The following CEP41 variants were observed in gnomAD, a reference collection of about 807,000 sequenced individuals.
CEP41 encodes the protein centrosomal protein 41.
CEP41 carries 32 observed loss-of-function variants against 44.3 expected under a neutral mutation model. The observed-to-expected ratio is 0.72, with a 90% CI of 0.54 to 0.97. CEP41 has a LOEUF of 0.97. CEP41 is among the 50% of genes least tolerant of loss of function. The pLI, the probability that CEP41 is intolerant of heterozygous loss-of-function variation, is 0.00. For synonymous variants in CEP41, 151 were observed against 168.5 expected (o/e 0.90, Z 0.80); for missense variants, 432 against 455.2 (o/e 0.95, Z 0.46).
At position 130,398,450 on chromosome 7, in the gene CEP41, G is replaced by A. The variant is rs782492675; in HGVS notation, c.*441C>T. On this transcript the variant is annotated 3_prime_UTR_variant, in exon 11 of 11. Coordinates refer to ENST00000223208, the MANE Select transcript of CEP41 (RefSeq NM_018718.3). Reference sequence around the variant, plus strand: ...ACAGCTTCTCACACCAAGACTGCCCGGAGAAGCCTTCATGAAGTCAAGAAC... The same window carrying A: ...ACAGCTTCTCACACCAAGACTGCCCAGAGAAGCCTTCATGAAGTCAAGAAC... 45 of 454,158 alleles carry A rather than the reference G, an allele frequency of 9.9e-5. 1 individual carries two copies. The highest frequency in any genetic ancestry group is 5.7e-4 in the South Asian group (37 of 64,476). The allele number at this position is 454,158 out of a possible 1,614,324, so 28.1% of individuals were successfully genotyped here. A position where few individuals can be genotyped will look rare whatever the true frequency, so the allele number is the denominator to read the frequency against.
At position 130,394,765 on chromosome 7, in the gene CEP41, T is replaced by C. The variant is rs1223668399; in HGVS notation, c.*4126A>G. ...TTGACAGGTTCAATTCATTTATTCA[T>C]GAACACTTATTAAGGGCCACTGTCA... On this transcript the variant is annotated 3_prime_UTR_variant, in exon 11 of 11. Transcript: ENST00000223208. 1.3e-5 allele frequency: 6 copies of C among 453,998 alleles called. No individual in the cohort carries two copies. The highest frequency in any genetic ancestry group is 2.4e-5 in the Admixed American group (1 of 42,546). The allele number at this position is 453,998 out of a possible 1,614,324, so 28.1% of individuals were successfully genotyped here.
Position 130,413,646 on chromosome 7 carries a change from C to T in CEP41, c.146-1406G>A, listed in dbSNP as rs530081439. ...TCAGTGCTGTCTTGACAATTCTGAG[C>T]TATAACTCACATATAGGTACTTCTG... On this transcript the variant is annotated intron_variant, in intron 3 of 10. Transcript: ENST00000223208. 2.1e-4 allele frequency among the ~76,000 whole-genome samples: 32 copies of T among 151,998 alleles called. No homozygotes were observed. In the South Asian group the frequency reaches 6.5e-3, roughly 31 times the overall value.
chr7:130,396,247 G>C lies in CEP41; in HGVS notation c.*2644C>G, dbSNP rs891463361. ...TCAGGGTTCACAAGCCCCAGACAAG[G>C]GCAGCTAGTCAACCCCTGAGACGCT... is the stretch of plus-strand genomic sequence containing the variant. On this transcript the variant is annotated 3_prime_UTR_variant, in exon 11 of 11. Coordinates refer to ENST00000223208, the MANE Select transcript of CEP41 (RefSeq NM_018718.3). The C allele has an allele frequency of 2.2e-6, 1 of 454,048 alleles. No individual in the cohort carries two copies. The highest frequency in any genetic ancestry group is 1.6e-5 in the South Asian group (1 of 64,478). 28.1% of individuals were successfully genotyped at this position (454,048 alleles called of 1,614,324 possible). A position where few individuals can be genotyped will look rare whatever the true frequency, so the allele number is the denominator to read the frequency against.
In CEP41 at chr7:130,400,265, A is replaced by G; in HGVS notation, c.758-11T>C. 3 of 1,600,002 alleles carry G rather than the reference A, an allele frequency of 1.9e-6. No homozygotes were observed. Among genetic ancestry groups the G allele is most frequent in the Non-Finnish European group, 2.6e-6 (3 of 1,167,304 alleles). ...CTAAGACTTTTAGACCTAGGTTTGG[A>G]AAATCATCAGAAAAAGCTGCATTAA... On this transcript the variant is annotated splice_polypyrimidine_tract_variant and intron_variant, in intron 9 of 10. Coordinates refer to ENST00000223208, the MANE Select transcript of CEP41 (RefSeq NM_018718.3).
chr7:130,424,826 T>A (rs543917583), intron 2 of CEP41, among the ~76,000 whole-genome samples: 1 of 152,074 alleles, frequency 6.6e-6, no homozygotes, highest in Admixed American at 6.5e-5. Flanking sequence ...AAAATAATGA[T>A]CCATAAAAGG....
At chr7:130,423,427 T>C (rs1464134366) in intron 2 of CEP41, among the ~76,000 whole-genome samples, 5 of 152,164 alleles carry the variant, frequency 3.3e-5, no homozygotes, top group African/African-American at 9.7e-5. Flanking sequence ...AATATACCAC[T>C]TCATGCCCAC....
In CEP41 at chr7:130,429,513, A is replaced by G. The variant is rs1797764192; in HGVS notation, c.34-1495T>C. 4.6e-5 allele frequency among the ~76,000 whole-genome samples: 7 copies of G among 152,326 alleles called. No individual in the cohort carries two copies. The South Asian group carries it at 1.4e-3, about 32-fold the overall frequency. On this transcript the variant is annotated intron_variant, in intron 1 of 10. Coordinates refer to ENST00000223208, the MANE Select transcript of CEP41 (RefSeq NM_018718.3). The stretch of plus-strand genomic sequence containing the variant: ...GCCTTTTTCTGGCCTGCAGGTATGA[A>G]AGTCCTTTCTTCAATAACAGGTAGC...
chr7:130,437,764 CAAAAAAAAAA>C (rs1171735164), intron 1 of CEP41, among the ~76,000 whole-genome samples: 1 of 32,426 alleles, frequency 3.1e-5, no homozygotes, highest in Non-Finnish European at 6.0e-5. Context: ...AAGACTGTCT[CAAAAAAAAAA>C]AAAAAAAAAA....
chr7:130,433,028 G>A (rs1554425444), intron 1 of CEP41, among the ~76,000 whole-genome samples: 1 of 152,132 alleles, frequency 6.6e-6, no homozygotes, highest in Admixed American at 6.5e-5. Flanking sequence ...CAGGAAGAAG[G>A]GAGTGGCCAA....
At chr7:130,433,531 A>G (rs1554425579) in intron 1 of CEP41, among the ~76,000 whole-genome samples, 1 of 152,196 alleles carries the variant, frequency 6.6e-6, no homozygotes, top group African/African-American at 2.4e-5. Context: ...CAGGAAGTTG[A>G]GAAAGTTCCT....
chr7:130,411,347 C>G (rs990424949), intron 4 of CEP41, among the ~76,000 whole-genome samples, 156 bp from the exon 5 acceptor site: 7 of 152,306 alleles, frequency 4.6e-5, no homozygotes, highest in South Asian at 2.1e-4. Flanking sequence ...CTCAGGCCTC[C>G]TTCCTTTTGT....
rs782719539 is a variant in CEP41, at chr7:130,394,025, G to A, written c.*4866C>T. The A allele has an allele frequency of 8.8e-6, 4 of 454,076 alleles. No individual in the cohort carries two copies. The highest frequency in any genetic ancestry group is 1.4e-4 in the East Asian group (2 of 14,386). The allele number at this position is 454,076 out of a possible 1,614,324, so 28.1% of individuals were successfully genotyped here. ...ATGTTTCAGTTCCTGAATTTCCATCGCCTTTTGTGCAGGCAAGCGGAGGAA... is the reference window on the plus strand; with the variant it reads ...ATGTTTCAGTTCCTGAATTTCCATCACCTTTTGTGCAGGCAAGCGGAGGAA... On this transcript the variant is annotated 3_prime_UTR_variant, in exon 11 of 11. Transcript: ENST00000223208.
intron 5 of CEP41, among the ~76,000 whole-genome samples, chr7:130,410,129 A>G (rs13223079): frequency 0.51 from 77,496 of 150,570 alleles, 20,104 homozygotes; most frequent in African/African-American, 0.57. Context: ...GGGTTCAAGC[A>G]ATTCTCCTGC....
intron 2 of CEP41, chr7:130,421,643 A>C (rs1584893921): frequency 9.6e-7 from 1 of 1,042,494 alleles, no homozygotes; most frequent in African/African-American, 1.7e-5. Flanking sequence ...TCTAGAGATA[A>C]TAAAAGGAAG....
intron 1 of CEP41, among the ~76,000 whole-genome samples, chr7:130,438,867 T>C (rs868942625): frequency 6.6e-6 from 1 of 152,220 alleles, no homozygotes; most frequent in South Asian, 2.1e-4. Context: ...CAATTTGATG[T>C]TTTGGTATAT....
intron 5 of CEP41, among the ~76,000 whole-genome samples, chr7:130,406,399 C>T (rs1419333431): frequency 6.6e-6 from 1 of 152,088 alleles, no homozygotes; most frequent in African/African-American, 2.4e-5. Flanking sequence ...GCCTGGCCAA[C>T]ATAGCGAAAC....
chr7:130,399,057 G>T lies in CEP41; in HGVS notation c.974-18C>A. 4 of 1,613,250 alleles carry T rather than the reference G, an allele frequency of 2.5e-6. No homozygotes were observed. The highest frequency in any genetic ancestry group is 2.5e-6 in the Non-Finnish European group (3 of 1,180,002). ...CAGTCGGCCTGAAGGGAGCAAGAAA[G>T]AAGGAACAGAGCTGCAAGAATGATT... On this transcript the variant is annotated intron_variant, in intron 10 of 10. Transcript: ENST00000223208.
In CEP41 at chr7:130,396,498, T is replaced by G; in HGVS notation, c.*2393A>C. 2.2e-6 allele frequency: 1 copy of G among 454,514 alleles called. No homozygotes were observed. 28.2% of individuals were successfully genotyped at this position (454,514 alleles called of 1,614,324 possible). On this transcript the variant is annotated 3_prime_UTR_variant, in exon 11 of 11. Coordinates refer to ENST00000223208, the MANE Select transcript of CEP41 (RefSeq NM_018718.3). ...ATCTCGACAGAAAAGAAGAGAGAAG[T>G]TGGCAGTTTTCAGCATATTAATAGC... is the stretch of plus-strand genomic sequence containing the variant.
chr7:130,399,382 C>G (rs1394779009), intron 10 of CEP41: 34 of 334,436 alleles, frequency 1.0e-4, no homozygotes, highest in East Asian at 9.0e-4. Context: ...TACGGTGAAA[C>G]TAAGGTAGGA....
Sources: allele counts gnomAD v4.1 joint callset (sites outside exome capture counted in the v4.1 genomes callset), GRCh38; gene constraint gnomAD v4.1.1; transcripts MANE v1.5; gene names NCBI Gene and HGNC (gene_info 2026-07-23, HGNC 2026-07-21).